DCLK2: variants seen among roughly 807,000 people sequenced by gnomAD.
DCLK2 encodes doublecortin like kinase 2, also known as serine/threonine-protein kinase DCLK2.
In DCLK2, 31 loss-of-function variants were observed where a neutral mutation model predicts 78.4. The observed-to-expected ratio is 0.40, with a 90% CI of 0.30 to 0.53. The LOEUF (loss-of-function observed/expected upper bound fraction) is 0.53, where lower values mean the gene tolerates loss of function less well. DCLK2 is among the 20% of genes least tolerant of loss of function. The pLI is 0.61. For missense variants in DCLK2, 872 were observed against 973.7 expected (o/e 0.90, Z 1.39); for synonymous variants, 407 against 374.9 (o/e 1.09, Z -0.99).
intron 5 of DCLK2, among the ~76,000 whole-genome samples, chr4:150,210,514 G>T (rs772944450): frequency 3.9e-5 from 6 of 151,996 alleles, no homozygotes; most frequent in Non-Finnish European, 5.9e-5. Context: ...ACTCTACTAG[G>T]AACAGATTAT....
intron 1 of DCLK2, among the ~76,000 whole-genome samples, chr4:150,090,558 T>A (rs926782897): frequency 8.5e-6 from 1 of 117,276 alleles, no homozygotes. Context: ...GCTGGTTCCA[T>A]CCTACCCAGG....
intron 8 of DCLK2, among the ~76,000 whole-genome samples, chr4:150,228,021 C>T (rs1271495026): frequency 6.6e-6 from 1 of 152,168 alleles, no homozygotes. Context: ...CTGCAAGCAT[C>T]CAGTGACCAG....
intron 11 of DCLK2, 111 bp from the exon 12 acceptor site, chr4:150,240,288 A>AT: frequency 1.1e-6 from 1 of 911,296 alleles, no homozygotes; most frequent in East Asian, 2.6e-5. Context: ...GAAATGAATA[A>AT]TTTAACACTA....
At chr4:150,183,077 C>G (rs1486722443) in intron 2 of DCLK2, among the ~76,000 whole-genome samples, 1 of 152,128 alleles carries the variant, frequency 6.6e-6, no homozygotes, top group Non-Finnish European at 1.5e-5. Context: ...CCCATTACGT[C>G]TTCTATAAAA....
intron 2 of DCLK2, among the ~76,000 whole-genome samples, chr4:150,180,471 G>C (rs1737429595): frequency 6.6e-6 from 1 of 152,056 alleles, no homozygotes; most frequent in South Asian, 2.1e-4. Flanking sequence ...TTTATTATTT[G>C]AAGATGACTG....
intron 2 of DCLK2, among the ~76,000 whole-genome samples, chr4:150,153,585 T>G (rs1265863813): frequency 6.6e-6 from 1 of 151,938 alleles, no homozygotes; most frequent in Non-Finnish European, 1.5e-5. Flanking sequence ...AATTTTTAAA[T>G]AATTTTTTAG....
intron 3 of DCLK2, among the ~76,000 whole-genome samples, 186 bp from the exon 4 acceptor site, chr4:150,197,816 A>T (rs576112657): frequency 1.3e-5 from 2 of 151,956 alleles, no homozygotes; most frequent in Non-Finnish European, 2.9e-5. Context: ...AAAAAAAAAA[A>T]GATGTGTAGC....
intron 8 of DCLK2, among the ~76,000 whole-genome samples, 166 bp from the exon 9 acceptor site, chr4:150,232,171 T>G (rs768316432): frequency 6.6e-6 from 1 of 152,240 alleles, no homozygotes; most frequent in Non-Finnish European, 1.5e-5. Flanking sequence ...ACACTGACCC[T>G]GTCCCTACAG....
chr4:150,193,800 T>C (rs960333613), intron 3 of DCLK2, among the ~76,000 whole-genome samples: 5 of 152,052 alleles, frequency 3.3e-5, no homozygotes, highest in Admixed American at 6.6e-5. Flanking sequence ...CAGCCTGGAG[T>C]GCAGTGGCAC....
chr4:150,244,970 A>C (rs1580789504), intron 12 of DCLK2, among the ~76,000 whole-genome samples: 1 of 151,190 alleles, frequency 6.6e-6, no homozygotes, highest in African/African-American at 2.4e-5. Flanking sequence ...AGATTCCAGA[A>C]AAAATAAGGG....
chr4:150,255,440 G>A (rs1560920724), intron 15 of DCLK2, among the ~76,000 whole-genome samples: 1 of 152,236 alleles, frequency 6.6e-6, no homozygotes, highest in African/African-American at 2.4e-5. Context: ...AAACTTTCAG[G>A]ATGTTTCAGG....
chr4:150,198,218 A>G, intron 4 of DCLK2, 115 bp downstream of exon 4: 1 of 797,924 alleles, frequency 1.3e-6, no homozygotes, highest in Non-Finnish European at 1.9e-6. Flanking sequence ...GCCAAGTTCC[A>G]GAAAAACAGA....
intron 5 of DCLK2, among the ~76,000 whole-genome samples, chr4:150,204,977 TG>T (rs1388204512): frequency 5.3e-5 from 8 of 152,308 alleles, no homozygotes; most frequent in African/African-American, 1.7e-4. Context: ...GTATACACAG[TG>T]TCATGTATGT....
At chr4:150,209,676 C>T (rs1740142382) in intron 5 of DCLK2, 1 of 152,336 alleles carries the variant, frequency 6.6e-6, no homozygotes, top group South Asian at 2.1e-4. Context: ...CATTTGGAAA[C>T]AGACACAGGA....
intron 2 of DCLK2, among the ~76,000 whole-genome samples, chr4:150,115,092 C>A (rs1731978313): frequency 6.6e-6 from 1 of 152,072 alleles, no homozygotes; most frequent in African/African-American, 2.4e-5. Context: ...CTTTTAATTA[C>A]TTTTTCCTTG....
At chr4:150,132,667 C>T (rs1206393365) in intron 2 of DCLK2, among the ~76,000 whole-genome samples, 3 of 152,154 alleles carry the variant, frequency 2.0e-5, no homozygotes, top group African/African-American at 7.2e-5. Context: ...TCATGGCAGC[C>T]TTCAACTCCT....
rs183618048 is a variant in DCLK2, at chr4:150,232,464, G to A, written c.1419+8G>A. The A allele has an allele frequency of 5.1e-5, 83 of 1,612,760 alleles. No individual in the cohort carries two copies. The Admixed American group carries it at 1.3e-3, about 26-fold the overall frequency. ...GTGATGGAATTGGTCAAAGTAAGAG[G>A]ATAGAGAGATTTTCTTGGTGCCTAG... On this transcript the variant is annotated splice_region_variant and intron_variant, in intron 9 of 15. Coordinates refer to ENST00000296550, the MANE Select transcript of DCLK2 (RefSeq NM_001040260.4).
chr4:150,240,550 C>A, intron 12 of DCLK2, 74 bp downstream of exon 12: 2 of 1,262,460 alleles, frequency 1.6e-6, no homozygotes, highest in Non-Finnish European at 2.1e-6. Flanking sequence ...TACTTTGCTC[C>A]TGGAAGTCGG....
chr4:150,194,908 G>A (rs1004474252), intron 3 of DCLK2, among the ~76,000 whole-genome samples: 4 of 151,508 alleles, frequency 2.6e-5, no homozygotes, highest in African/African-American at 9.7e-5. Flanking sequence ...GTTGCACTGT[G>A]TCAGTCATTC....
Sources: gnomAD v4.1 joint callset for allele counts (sites outside exome capture counted in the v4.1 genomes callset) on GRCh38, gnomAD v4.1.1 for gene constraint, MANE v1.5 for transcripts, NCBI Gene and HGNC (gene_info 2026-07-23, HGNC 2026-07-21) for gene names.